Variants in IKZF2 observed in about 807,000 individuals in gnomAD.
IKZF2 encodes zinc finger protein Helios.
In IKZF2, 15 loss-of-function variants were observed where a neutral mutation model predicts 49.2. That is an observed-to-expected ratio of 0.30 (90% CI 0.20 to 0.47). IKZF2 has a LOEUF of 0.47. Among genes scored for constraint, IKZF2 ranks in the 20% least tolerant of loss-of-function variants. IKZF2 has a pLI of 1.00. For missense variants in IKZF2, 567 were observed against 664.6 expected, an observed-to-expected ratio of 0.85 and a Z score of 1.61; for synonymous variants, 227 against 221.4, an observed-to-expected ratio of 1.03 and a Z score of -0.23.
chr2:213,123,368 T>C (rs1409135365), intron 4 of IKZF2, among the ~76,000 whole-genome samples: 2 of 152,328 alleles, frequency 1.3e-5, no homozygotes, highest in East Asian at 1.9e-4. Flanking sequence ...AAAGTCAAAA[T>C]TGTATATGTA....
intron 4 of IKZF2, among the ~76,000 whole-genome samples, chr2:213,098,555 C>T (rs575352873): frequency 2.0e-5 from 3 of 151,804 alleles, no homozygotes; most frequent in Non-Finnish European, 4.4e-5. Context: ...CTGAAGAAAA[C>T]AAAAAAATCT....
chr2:213,101,450 C>A (rs982770386), intron 4 of IKZF2, among the ~76,000 whole-genome samples: 2 of 151,928 alleles, frequency 1.3e-5, no homozygotes, highest in Non-Finnish European at 1.5e-5. Context: ...TGTAGTCTGC[C>A]TAAAGAAAAC....
At chr2:213,029,942 G>A (rs545964742) in intron 6 of IKZF2, among the ~76,000 whole-genome samples, 5 of 152,106 alleles carry the variant, frequency 3.3e-5, no homozygotes, top group Admixed American at 1.3e-4. Flanking sequence ...TTAGTGAAAC[G>A]AAATATTAAA....
At chr2:213,029,756 A>G (rs979214946) in intron 6 of IKZF2, among the ~76,000 whole-genome samples, 3 of 152,098 alleles carry the variant, frequency 2.0e-5, no homozygotes, top group Admixed American at 2.0e-4. Flanking sequence ...GGCACAAATC[A>G]TTATTAAGTT....
intron 4 of IKZF2, among the ~76,000 whole-genome samples, chr2:213,088,483 G>T (rs1472765768): frequency 6.6e-6 from 1 of 152,114 alleles, no homozygotes; most frequent in Non-Finnish European, 1.5e-5. Context: ...TCCTGGCCTG[G>T]CACAGTGGCT....
At chr2:213,086,587 A>G (rs1704629669) in intron 4 of IKZF2, among the ~76,000 whole-genome samples, 1 of 152,114 alleles carries the variant, frequency 6.6e-6, no homozygotes, top group African/African-American at 2.4e-5. Context: ...CCTTTACTGC[A>G]TATCCCTAAA....
At chr2:213,097,497 G>A (rs139713121) in intron 4 of IKZF2, among the ~76,000 whole-genome samples, 241 of 151,992 alleles carry the variant, frequency 1.6e-3, no homozygotes, top group Middle Eastern at 6.8e-3. Context: ...GATTTCATAT[G>A]TTAAAGTATT....
chr2:213,085,879 C>T (rs1011434482), intron 4 of IKZF2, among the ~76,000 whole-genome samples: 1 of 152,072 alleles, frequency 6.6e-6, no homozygotes, highest in African/African-American at 2.4e-5. Flanking sequence ...TCAAGATCTC[C>T]AAAAGAGATG....
chr2:213,058,566 T>C (rs1701386629), intron 4 of IKZF2, among the ~76,000 whole-genome samples: 1 of 151,934 alleles, frequency 6.6e-6, no homozygotes, highest in Non-Finnish European at 1.5e-5. Flanking sequence ...GTGATATGCA[T>C]CCTTCCTGGA....
Position 213,006,718 on chromosome 2 carries a change from G to A in IKZF2, c.*642C>T, listed in dbSNP as rs544186224. Reference sequence around the variant, plus strand: ...TCACAGGACCTCAGATGTATTGTAGGTGGCCCTTAACTACCTGTAGTTTAA... The same window carrying A: ...TCACAGGACCTCAGATGTATTGTAGATGGCCCTTAACTACCTGTAGTTTAA... On this transcript the variant is annotated 3_prime_UTR_variant, in exon 9 of 9. Transcript: ENST00000434687. 3.3e-4 allele frequency: 51 copies of A among 152,632 alleles called. No individual in the cohort carries two copies. Among genetic ancestry groups the A allele is most frequent in the African/African-American group, 1.1e-3 (47 of 41,564 alleles). 9.5% of individuals were successfully genotyped at this position (152,632 alleles called of 1,614,324 possible).
At chr2:213,050,283 A>C (rs1165572991) in intron 5 of IKZF2, among the ~76,000 whole-genome samples, 1 of 152,178 alleles carries the variant, frequency 6.6e-6, no homozygotes, top group Admixed American at 6.6e-5. Context: ...GAAGAAATTA[A>C]AGTCCATAGA....
At chr2:213,091,158 C>T (rs546798180) in intron 4 of IKZF2, among the ~76,000 whole-genome samples, 5 of 152,090 alleles carry the variant, frequency 3.3e-5, no homozygotes, top group Non-Finnish European at 5.9e-5. Context: ...AATATGCTTA[C>T]AATGAACCAA....
intron 4 of IKZF2, among the ~76,000 whole-genome samples, chr2:213,136,128 G>A (rs2060654060): frequency 6.6e-6 from 1 of 151,052 alleles, no homozygotes; most frequent in African/African-American, 2.4e-5. Context: ...CCAGCACTTT[G>A]GGAGGCTGAG....
At chr2:213,123,605 A>T (rs922954350) in intron 4 of IKZF2, among the ~76,000 whole-genome samples, 2 of 152,154 alleles carry the variant, frequency 1.3e-5, no homozygotes, top group Non-Finnish European at 2.9e-5. Context: ...GTATAATAAT[A>T]AAATAAATAA....
chr2:213,065,278 T>A (rs1702067389), intron 4 of IKZF2, among the ~76,000 whole-genome samples: 1 of 152,078 alleles, frequency 6.6e-6, no homozygotes, highest in African/African-American at 2.4e-5. Context: ...GAAATTTACT[T>A]CACTTTACAT....
rs2061232698 is a variant in IKZF2, at chr2:213,150,179, A to G, written c.-51T>C. 1 of 1,303,912 alleles carries G rather than the reference A, an allele frequency of 7.7e-7. No homozygotes were observed. Among genetic ancestry groups the G allele is most frequent in the Non-Finnish European group, 1.0e-6 (1 of 988,350 alleles). The allele number at this position is 1,303,912 out of a possible 1,614,324, so 80.8% of individuals were successfully genotyped here. A position where few individuals can be genotyped will look rare whatever the true frequency, so the allele number is the denominator to read the frequency against. ...GTCCTTTGATTAAAAAAGATTCATC[A>G]CCATTTCCAGCTCTGTCGGGAGATC... On this transcript the variant is annotated 5_prime_UTR_variant, in exon 2 of 9. Coordinates refer to ENST00000434687, the MANE Select transcript of IKZF2 (RefSeq NM_001387220.1).
At chr2:213,136,387 A>AAAAAAAAAAAAAG (rs2060672831) in intron 4 of IKZF2, among the ~76,000 whole-genome samples, 1 of 99,866 alleles carries the variant, frequency 1.0e-5, no homozygotes, top group Non-Finnish European at 2.2e-5. Flanking sequence ...AAAAAAAAAA[A>AAAAAAAAAAAAAG]AAAAGAAAAA....
At chr2:213,104,648 G>C (rs1049287293) in intron 4 of IKZF2, among the ~76,000 whole-genome samples, 2 of 152,146 alleles carry the variant, frequency 1.3e-5, no homozygotes, top group African/African-American at 4.8e-5. Context: ...ATAAGGGCAC[G>C]CATAGAAGCA....
At chr2:213,017,105 C>G (rs548778067) in intron 7 of IKZF2, 1 of 152,256 alleles carries the variant, frequency 6.6e-6, no homozygotes, top group African/African-American at 2.4e-5. Context: ...GCAGTGCTGA[C>G]ACTTGCTTTG....
Sources: allele counts gnomAD v4.1 joint callset (sites outside exome capture counted in the v4.1 genomes callset), GRCh38; gene constraint gnomAD v4.1.1; transcripts MANE v1.5; gene names NCBI Gene and HGNC (gene_info 2026-07-23, HGNC 2026-07-21).